Variants in EYS observed in about 807,000 individuals in gnomAD.
EYS encodes EGF-like photoreceptor maintenance factor.
A neutral mutation model predicts 282.1 loss-of-function variants in EYS; 250 were observed. That is an observed-to-expected ratio of 0.89 (90% CI 0.80 to 0.98). EYS has a LOEUF of 0.98. Ranked by LOEUF, EYS falls within the 50% of genes least tolerant of loss-of-function variation. The probability of loss-of-function intolerance (pLI) is 0.00; values close to 1 mark genes in which losing one functional copy is unlikely to be tolerated. For missense variants in EYS, 4,016 were observed against 3,709.0 expected (o/e 1.08, Z -2.15); for synonymous variants, 1,355 against 1,282.9 (o/e 1.06, Z -1.20).
At chr6:64,854,490 G>A (rs956898943) in intron 19 of EYS, among the ~76,000 whole-genome samples, 9 of 150,244 alleles carry the variant, frequency 6.0e-5, no homozygotes, top group Non-Finnish European at 7.4e-5. Context: ...ACTATCACAA[G>A]GACAAAAAAT....
chr6:63,871,489 C>T (rs1772803092), intron 35 of EYS, among the ~76,000 whole-genome samples: 1 of 151,876 alleles, frequency 6.6e-6, no homozygotes, highest in Non-Finnish European at 1.5e-5. Context: ...GGTGAAACCC[C>T]ATCTCTACTA....
In EYS at chr6:65,554,910, C is replaced by T. The variant is rs545357836; in HGVS notation, c.-332-58917G>A. Among the ~76,000 whole-genome samples, 12 of 152,146 alleles carry T rather than the reference C, an allele frequency of 7.9e-5. 1 individual carries two copies. The highest frequency in any genetic ancestry group is 2.9e-4 in the African/African-American group (12 of 41,514). On this transcript the variant is annotated intron_variant, in intron 2 of 42. Coordinates refer to ENST00000503581, the MANE Select transcript of EYS (RefSeq NM_001142800.2). Reference sequence around the variant, plus strand: ...AGCCCTGATCTCAACATATATTTCACTACAAAACTCTTAATTTGCACAATT... The same window carrying T: ...AGCCCTGATCTCAACATATATTTCATTACAAAACTCTTAATTTGCACAATT...
At chr6:65,699,384 A>G (rs1769572275) in intron 1 of EYS, among the ~76,000 whole-genome samples, 1 of 152,174 alleles carries the variant, frequency 6.6e-6, no homozygotes, top group Admixed American at 6.5e-5. Flanking sequence ...ATATTTGTCA[A>G]ATTTTGCTCA....
rs374768371 is a variant in EYS at position 65,689,268 on chromosome 6, G to A, written c.-448+17867C>T. ...AAACCATCATTCTCAGCAAACTATCGCAAGGACAAAAAACCAAACACCGCA... is the reference window on the plus strand; with the variant it reads ...AAACCATCATTCTCAGCAAACTATCACAAGGACAAAAAACCAAACACCGCA... On this transcript the variant is annotated intron_variant, in intron 1 of 42. Coordinates refer to ENST00000503581, the MANE Select transcript of EYS (RefSeq NM_001142800.2). Among the ~76,000 whole-genome samples, 22 of 149,720 alleles carry A rather than the reference G, an allele frequency of 1.5e-4. 2 individuals carry two copies. Among genetic ancestry groups the A allele is most frequent in the East Asian group, 1.4e-3 (6 of 4,280 alleles).
intron 29 of EYS, among the ~76,000 whole-genome samples, chr6:64,386,722 C>A (rs1226014030): frequency 1.3e-5 from 2 of 152,072 alleles, no homozygotes; most frequent in Non-Finnish European, 2.9e-5. Context: ...CATTAAAATT[C>A]CAAATTTTCT....
At chr6:65,569,843 A>G (rs1278529573) in intron 2 of EYS, among the ~76,000 whole-genome samples, 1 of 152,304 alleles carries the variant, frequency 6.6e-6, no homozygotes, top group East Asian at 1.9e-4. Flanking sequence ...TAATTTGAGT[A>G]ATAATAAAAC....
At chr6:65,191,216 A>G (rs1765633987) in intron 12 of EYS, among the ~76,000 whole-genome samples, 1 of 151,886 alleles carries the variant, frequency 6.6e-6, no homozygotes, top group South Asian at 2.1e-4. Flanking sequence ...CTTTCTCTGA[A>G]TTAGAATGAT....
intron 12 of EYS, among the ~76,000 whole-genome samples, chr6:65,113,392 TA>T (rs5876941): frequency 1.1e-4 from 17 of 150,028 alleles, no homozygotes; most frequent in African/African-American, 1.5e-4. Context: ...TATTGAGATC[TA>T]AAAAAAAAAT....
intron 11 of EYS, among the ~76,000 whole-genome samples, chr6:65,311,982 G>A (rs1260192191): frequency 6.6e-6 from 1 of 152,084 alleles, no homozygotes; most frequent in Non-Finnish European, 1.5e-5. Flanking sequence ...ATATTTAGCT[G>A]GATATCATGT....
rs537013959 is a variant in EYS, at chr6:65,251,309, C to G, written c.2023+44554G>C. On this transcript the variant is annotated intron_variant, in intron 12 of 42. Transcript: ENST00000503581. ...GAAAAGTAAACTACACTAGAAAATA[C>G]TGATGTTTGATCAACGTATGTAAAA... 7.3e-5 allele frequency among the ~76,000 whole-genome samples: 11 copies of G among 151,460 alleles called. No homozygotes were observed. The East Asian group carries it at 1.9e-3, about 27-fold the overall frequency.
intron 7 of EYS, among the ~76,000 whole-genome samples, chr6:65,397,583 GGTGT>G (rs58522364): frequency 0.11 from 14,940 of 138,070 alleles, 1,263 homozygotes; most frequent in African/African-American, 0.23. Flanking sequence ...TGTATTTCAT[GGTGT>G]GTGTGTGTGT....
At chr6:64,239,523 A>G (rs1221540422) in intron 30 of EYS, among the ~76,000 whole-genome samples, 2 of 151,278 alleles carry the variant, frequency 1.3e-5, no homozygotes, top group South Asian at 4.2e-4. Flanking sequence ...GCTTTTTTTC[A>G]TATGTTTGTT....
intron 30 of EYS, among the ~76,000 whole-genome samples, chr6:64,291,620 T>C (rs1189088847): frequency 2.0e-5 from 3 of 152,016 alleles, no homozygotes; most frequent in African/African-American, 4.8e-5. Flanking sequence ...TAAAAACTTA[T>C]GCAAAATTAA....
At chr6:64,786,272 C>G (rs114542165) in intron 22 of EYS, among the ~76,000 whole-genome samples, 2,794 of 151,412 alleles carry the variant, frequency 0.018, 74 homozygotes, top group African/African-American at 0.062. Flanking sequence ...GAAGAAGCTC[C>G]CCTGTACAGA....
intron 15 of EYS, among the ~76,000 whole-genome samples, chr6:64,934,504 C>T (rs1391878255): frequency 6.6e-6 from 1 of 151,706 alleles, no homozygotes; most frequent in African/African-American, 2.4e-5. Context: ...ATAGTGATAG[C>T]ATCAAGAAAG....
chr6:64,392,131 C>A (rs1344751052), intron 28 of EYS, among the ~76,000 whole-genome samples: 2 of 149,580 alleles, frequency 1.3e-5, no homozygotes, highest in Non-Finnish European at 3.0e-5. Flanking sequence ...TAAAGCAAGT[C>A]CTGAGTGACC....
intron 12 of EYS, among the ~76,000 whole-genome samples, chr6:65,262,803 C>T (rs1166887689): frequency 1.3e-5 from 2 of 152,002 alleles, no homozygotes; most frequent in African/African-American, 2.4e-5. Context: ...TTAAAGAATA[C>T]CTTTAAAAGA....
intron 11 of EYS, among the ~76,000 whole-genome samples, chr6:65,309,796 A>G (rs1769106741): frequency 6.6e-6 from 1 of 152,146 alleles, no homozygotes; most frequent in African/African-American, 2.4e-5. Context: ...CTTACTGCCA[A>G]TTTAGCAGCA....
intron 12 of EYS, among the ~76,000 whole-genome samples, chr6:65,287,952 A>G (rs1425074697): frequency 6.6e-6 from 1 of 151,236 alleles, no homozygotes; most frequent in Non-Finnish European, 1.5e-5. Context: ...AAGTCCAGGG[A>G]TCAAAGTAGG....
Sources: allele counts gnomAD v4.1 joint callset (sites outside exome capture counted in the v4.1 genomes callset), GRCh38; gene constraint gnomAD v4.1.1; transcripts MANE v1.5; gene names NCBI Gene and HGNC (gene_info 2026-07-23, HGNC 2026-07-21).